PIGL: variants seen among roughly 807,000 people sequenced by gnomAD.
PIGL encodes the protein phosphatidylinositol glycan anchor biosynthesis class L, also known as N-acetylglucosaminyl-phosphatidylinositol de-N-acetylase.
In PIGL, 22 loss-of-function variants were observed where a neutral mutation model predicts 31.1. The observed-to-expected ratio is 0.71, with a 90% confidence interval of 0.51 to 1.01. The LOEUF is 1.01. PIGL is among the 50% of genes least tolerant of loss of function. The probability of loss-of-function intolerance (pLI) is 0.00; values close to 1 mark genes in which losing one functional copy is unlikely to be tolerated. For missense variants in PIGL, 302 were observed against 315.9 expected (o/e 0.96, Z 0.33); for synonymous variants, 131 against 117.4 (o/e 1.12, Z -0.75).
intron 2 of PIGL, among the ~76,000 whole-genome samples, chr17:16,243,820 A>G (rs1288115562): frequency 2.0e-5 from 3 of 152,192 alleles, no homozygotes; most frequent in Admixed American, 6.5e-5. Flanking sequence ...GACAGAGCCA[A>G]TTTATCCAGA....
chr17:16,308,792 C>CTTTT (rs71150288), intron 3 of PIGL, among the ~76,000 whole-genome samples: 7 of 114,426 alleles, frequency 6.1e-5, no homozygotes, highest in African/African-American at 1.0e-4. Context: ...TGCATCCAGG[C>CTTTT]TTTTTTTTTT....
intron 1 of PIGL, among the ~76,000 whole-genome samples, chr17:16,227,937 C>T (rs536169159): frequency 4.6e-5 from 7 of 151,936 alleles, no homozygotes; most frequent in Admixed American, 3.3e-4. Context: ...ATAGGGATAA[C>T]GCCTATAATC....
rs773117391 is a variant in PIGL at position 16,316,811 on chromosome 17, G to A, written c.526+99G>A. 5.2e-5 allele frequency: 82 copies of A among 1,564,186 alleles called. No individual in the cohort carries two copies. In the South Asian group the frequency reaches 5.5e-4, roughly 10 times the overall value. On this transcript the variant is annotated intron_variant, in intron 5 of 6. Coordinates refer to ENST00000225609, the MANE Select transcript of PIGL (RefSeq NM_004278.4). ...AATCCACAGAGAGCTGCCCTCAGCCGAGCAGAGGCAGTGGTTGGGGAGGCC... is the reference window on the plus strand; with the variant it reads ...AATCCACAGAGAGCTGCCCTCAGCCAAGCAGAGGCAGTGGTTGGGGAGGCC...
At chr17:16,262,272 G>T (rs1191802236) in intron 2 of PIGL, among the ~76,000 whole-genome samples, 1 of 152,128 alleles carries the variant, frequency 6.6e-6, no homozygotes, top group Non-Finnish European at 1.5e-5. Context: ...ACTTGAGTAG[G>T]CATTTCTCCA....
chr17:16,323,510 G>A (rs1478808820), intron 6 of PIGL, among the ~76,000 whole-genome samples: 1 of 151,668 alleles, frequency 6.6e-6, no homozygotes, highest in Non-Finnish European at 1.5e-5. Context: ...GTGAGATTAC[G>A]GGTGTGGGCC....
At chr17:16,284,423 TCTC>T (rs1205007271) in intron 2 of PIGL, among the ~76,000 whole-genome samples, 1 of 152,094 alleles carries the variant, frequency 6.6e-6, no homozygotes, top group Non-Finnish European at 1.5e-5. Context: ...TCAAAACAAA[TCTC>T]CTTCTTGCCT....
At chr17:16,221,122 A>C (rs1346499556) in intron 1 of PIGL, among the ~76,000 whole-genome samples, 1 of 152,194 alleles carries the variant, frequency 6.6e-6, no homozygotes, top group Non-Finnish European at 1.5e-5. Context: ...AGACAATAAA[A>C]ACATTGAGTG....
Position 16,259,755 on chromosome 17 carries a change from G to T in PIGL, c.335+25685G>T, listed in dbSNP as rs374791654. 3.6e-4 allele frequency among the ~76,000 whole-genome samples: 55 copies of T among 152,262 alleles called. No individual in the cohort carries two copies. In the East Asian group the frequency reaches 6.8e-3, roughly 19 times the overall value. On this transcript the variant is annotated intron_variant, in intron 2 of 6. Transcript: ENST00000225609. ...GGGGACTGGTGGGGGAGTGGGCATG[G>T]CTGGGGCTGCACACTCCATGGAGCC... is the stretch of plus-strand genomic sequence containing the variant.
intron 6 of PIGL, among the ~76,000 whole-genome samples, chr17:16,319,492 C>T (rs936790293): frequency 6.6e-5 from 10 of 151,986 alleles, no homozygotes; most frequent in East Asian, 5.8e-4. Context: ...CCGTGGCTCA[C>T]GCCTGTAATC....
intron 3 of PIGL, among the ~76,000 whole-genome samples, chr17:16,303,479 A>G (rs1600845185): frequency 1.3e-5 from 2 of 151,708 alleles, no homozygotes; most frequent in South Asian, 4.2e-4. Flanking sequence ...AGAATCTTCA[A>G]TTGATTTAAT....
intron 1 of PIGL, among the ~76,000 whole-genome samples, chr17:16,223,392 C>T (rs1257819829): frequency 2.0e-5 from 3 of 151,752 alleles, no homozygotes; most frequent in Non-Finnish European, 4.4e-5. Context: ...GCCTGGCAAA[C>T]ACGGCGAAAC....
chr17:16,253,625 T>C (rs1340131559), intron 2 of PIGL, among the ~76,000 whole-genome samples: 17 of 152,128 alleles, frequency 1.1e-4, no homozygotes, highest in Admixed American at 1.1e-3. Flanking sequence ...TTTATACACA[T>C]ATCACCTCTA....
At chr17:16,239,791 C>G (rs1568787932) in intron 2 of PIGL, among the ~76,000 whole-genome samples, 1 of 145,654 alleles carries the variant, frequency 6.9e-6, no homozygotes, top group Admixed American at 6.9e-5. Context: ...GAATTCAACT[C>G]TTTTTTTTTT....
At chr17:16,234,197 C>T in intron 2 of PIGL, 127 bp downstream of exon 2, 4 of 603,346 alleles carry the variant, frequency 6.6e-6, no homozygotes, top group African/African-American at 1.8e-5. Flanking sequence ...GGGCTCGGTG[C>T]CATGGTTCAC....
At chr17:16,243,909 C>T (rs892000331) in intron 2 of PIGL, among the ~76,000 whole-genome samples, 3 of 152,198 alleles carry the variant, frequency 2.0e-5, no homozygotes, top group Non-Finnish European at 4.4e-5. Flanking sequence ...AAATCTGTCT[C>T]CCTGAGCATT....
At chr17:16,253,960 A>AGGACGTCCCAGTACCCCAATCT (rs2092783046) in intron 2 of PIGL, among the ~76,000 whole-genome samples, 1 of 151,806 alleles carries the variant, frequency 6.6e-6, no homozygotes, top group Non-Finnish European at 1.5e-5. Flanking sequence ...AAAAAAAAAT[A>AGGACGTCCCAGTACCCCAATCT]GGACGTCCCA....
chr17:16,250,706 C>T (rs573037157), intron 2 of PIGL, among the ~76,000 whole-genome samples: 1 of 152,220 alleles, frequency 6.6e-6, no homozygotes, highest in African/African-American at 2.4e-5. Context: ...ACTGTCAGTG[C>T]CAAAAAAATA....
intron 3 of PIGL, among the ~76,000 whole-genome samples, chr17:16,311,486 ATTC>A (rs2093050171): frequency 9.7e-5 from 1 of 10,342 alleles, no homozygotes; most frequent in Non-Finnish European, 1.9e-4. Flanking sequence ...TTTTTTGATC[ATTC>A]TTGGGTGTTT....
chr17:16,248,778 A>G (rs1270824253), intron 2 of PIGL, among the ~76,000 whole-genome samples: 1 of 152,214 alleles, frequency 6.6e-6, no homozygotes, highest in East Asian at 1.9e-4. Context: ...TCACAGTACT[A>G]AAATCTGTCT....
Sources: gnomAD v4.1 joint callset for allele counts (sites outside exome capture counted in the v4.1 genomes callset) on GRCh38, gnomAD v4.1.1 for gene constraint, MANE v1.5 for transcripts, NCBI Gene and HGNC (gene_info 2026-07-23, HGNC 2026-07-21) for gene names.